The following PDZD2 variants were observed in gnomAD, a reference collection of about 807,000 sequenced individuals.
PDZD2 encodes the protein PDZ domain containing 2.
PDZD2 carries 90 observed loss-of-function variants against 220.7 expected under a neutral mutation model. The ratio of observed to expected loss-of-function variants is 0.41; its 90% CI spans 0.34 to 0.49. PDZD2 has a LOEUF of 0.49. PDZD2 is among the 20% of genes least tolerant of loss of function. PDZD2 has a pLI of 0.28. For synonymous variants in PDZD2, 1,375 were observed against 1,450.5 expected, an observed-to-expected ratio of 0.95 and a Z score of 1.18; for missense variants, 3,174 against 3,608.5, an observed-to-expected ratio of 0.88 and a Z score of 3.08.
chr5:31,701,227 C>T (rs748525573), intron 1 of PDZD2, among the ~76,000 whole-genome samples: 7 of 151,962 alleles, frequency 4.6e-5, no homozygotes, highest in Non-Finnish European at 7.4e-5. Flanking sequence ...GGCAGAGTCT[C>T]GCTCTATTAC....
chr5:31,940,038 C>T (rs1455655813), intron 2 of PDZD2, among the ~76,000 whole-genome samples: 1 of 152,212 alleles, frequency 6.6e-6, no homozygotes, highest in South Asian at 2.1e-4. Flanking sequence ...TGTTTACATA[C>T]AAGCTGTGCC....
intron 19 of PDZD2, among the ~76,000 whole-genome samples, chr5:32,085,804 C>T (rs914274990): frequency 6.6e-6 from 1 of 152,052 alleles, no homozygotes; most frequent in African/African-American, 2.4e-5. Context: ...TACACTCAAA[C>T]TGCCTTGGCT....
chr5:31,742,636 T>C (rs1750339311), intron 1 of PDZD2, among the ~76,000 whole-genome samples: 1 of 151,634 alleles, frequency 6.6e-6, no homozygotes, highest in Non-Finnish European at 1.5e-5. Flanking sequence ...CCTGAGTCTC[T>C]GCTCTAGCAT....
At chr5:31,793,811 T>G (rs757567132) in intron 1 of PDZD2, among the ~76,000 whole-genome samples, 1 of 152,000 alleles carries the variant, frequency 6.6e-6, no homozygotes, top group African/African-American at 2.4e-5. Flanking sequence ...TCTCAAAAAA[T>G]TTTTAAAAAG....
chr5:32,104,939 G>A (rs572278351), intron 24 of PDZD2, among the ~76,000 whole-genome samples: 10 of 151,884 alleles, frequency 6.6e-5, no homozygotes, highest in East Asian at 3.9e-4. Flanking sequence ...GTTCAAGACC[G>A]GTCTGGGCCA....
At position 31,966,356 on chromosome 5, in the gene PDZD2, C is replaced by T. The variant is rs545356182; in HGVS notation, c.477-16799C>T. Among the ~76,000 whole-genome samples, 6 of 152,302 alleles carry T rather than the reference C, an allele frequency of 3.9e-5. No homozygotes were observed. In the South Asian group the frequency reaches 1.2e-3, roughly 32 times the overall value. The stretch of plus-strand genomic sequence containing the variant: ...TAGTTTTTGGAACTCCTAAAATAAA[C>T]ATACCATTAAAAGCAAGCTTTGCAT... On this transcript the variant is annotated intron_variant, in intron 2 of 24. Transcript: ENST00000438447.
At chr5:31,866,534 C>T (rs1017025014) in intron 2 of PDZD2, among the ~76,000 whole-genome samples, 3 of 151,928 alleles carry the variant, frequency 2.0e-5, no homozygotes, top group Non-Finnish European at 2.9e-5. Flanking sequence ...GGAGCCTCCC[C>T]GACGATACTC....
At position 32,098,086 on chromosome 5, in the gene PDZD2, C is replaced by T. The variant is rs966426232; in HGVS notation, c.7948-278C>T. Reference sequence around the variant, plus strand: ...ATGGCCAACATGGTGAAACCCTGTCCGTCTCTCCTAACAATACAAAAATTA... The same window carrying T: ...ATGGCCAACATGGTGAAACCCTGTCTGTCTCTCCTAACAATACAAAAATTA... On this transcript the variant is annotated intron_variant, in intron 22 of 24. Transcript: ENST00000438447. The surrounding 1 kb of genome is among the most constrained non-coding windows in gnomAD (Gnocchi z 4.1). Among the ~76,000 whole-genome samples, 1 of 151,928 alleles carries T rather than the reference C, an allele frequency of 6.6e-6. No individual in the cohort carries two copies. The highest frequency in any genetic ancestry group is 2.1e-4 in the South Asian group (1 of 4,812).
chr5:31,728,684 G>C (rs1259604748), intron 1 of PDZD2, among the ~76,000 whole-genome samples: 1 of 152,168 alleles, frequency 6.6e-6, no homozygotes, highest in African/African-American at 2.4e-5. Context: ...GCCATGAAAT[G>C]ATATTTCATT....
intron 1 of PDZD2, among the ~76,000 whole-genome samples, chr5:31,651,158 G>A (rs893539494): frequency 4.6e-5 from 7 of 151,626 alleles, no homozygotes; most frequent in Non-Finnish European, 5.9e-5. Flanking sequence ...CTACTATTTC[G>A]GGCAAACAGT....
intron 1 of PDZD2, among the ~76,000 whole-genome samples, chr5:31,671,456 C>T (rs1746210847): frequency 1.3e-5 from 2 of 152,214 alleles, no homozygotes; most frequent in South Asian, 4.1e-4. Context: ...TCAGGACACT[C>T]CTGTGGTCAG....
intron 1 of PDZD2, among the ~76,000 whole-genome samples, chr5:31,770,619 A>G (rs1277211805): frequency 6.6e-6 from 1 of 152,102 alleles, no homozygotes; most frequent in Admixed American, 6.5e-5. Flanking sequence ...TAGGGTTGTG[A>G]GATTTCCTGG....
At chr5:31,843,028 T>C (rs550895884) in intron 2 of PDZD2, among the ~76,000 whole-genome samples, 3 of 151,746 alleles carry the variant, frequency 2.0e-5, no homozygotes, top group Admixed American at 1.3e-4. Flanking sequence ...ATTACAGGCA[T>C]GCACCACCAC....
chr5:31,695,657 C>T (rs1747347491), intron 1 of PDZD2, among the ~76,000 whole-genome samples: 2 of 152,180 alleles, frequency 1.3e-5, no homozygotes, highest in Non-Finnish European at 2.9e-5. Context: ...GTGCACACCA[C>T]CTTAGGGGCT....
At chr5:32,002,787 A>C in intron 5 of PDZD2, among the ~76,000 whole-genome samples, 1 of 86,864 alleles carries the variant, frequency 1.2e-5, no homozygotes, top group South Asian at 4.0e-4. Context: ...ACACACAACC[A>C]CACACACCAC....
intron 24 of PDZD2, among the ~76,000 whole-genome samples, chr5:32,104,712 CATCTAAAAAAAAAAAAAAAAAAAAA>C (rs1400128460): frequency 1.4e-5 from 1 of 73,024 alleles, no homozygotes; most frequent in Non-Finnish European, 2.4e-5. Flanking sequence ...GAGAAGGCTC[CATCTAAAAAAAAAAAAAAAAAAAAA>C]AAAAAAAAAC....
chr5:32,036,675 A>G (rs1483194521), intron 6 of PDZD2, among the ~76,000 whole-genome samples: 1 of 152,156 alleles, frequency 6.6e-6, no homozygotes, highest in Non-Finnish European at 1.5e-5. Flanking sequence ...TCTGATCAAT[A>G]CTCACTCCGG....
intron 2 of PDZD2, among the ~76,000 whole-genome samples, chr5:31,883,611 C>G (rs998075428): frequency 1.4e-5 from 2 of 138,162 alleles, no homozygotes; most frequent in Non-Finnish European, 3.0e-5. Context: ...ATTAACCAAT[C>G]CTCTGTAATT....
chr5:31,888,856 C>T (rs938528806), intron 2 of PDZD2, among the ~76,000 whole-genome samples: 2 of 152,062 alleles, frequency 1.3e-5, no homozygotes, highest in Non-Finnish European at 2.9e-5. Context: ...ATCTCACCAT[C>T]GGGAGAGTGG....
Sources: gnomAD v4.1 joint callset for allele counts (sites outside exome capture counted in the v4.1 genomes callset) on GRCh38, gnomAD v4.1.1 for gene constraint, Gnocchi (gnomAD v3.1) non-coding constraint, MANE v1.5 for transcripts, NCBI Gene and HGNC (gene_info 2026-07-23, HGNC 2026-07-21) for gene names.